The following BRWD3 variants were observed in gnomAD, a reference collection of about 807,000 sequenced individuals.
The protein encoded by BRWD3 is bromodomain and WD repeat domain containing 3.
In BRWD3, 10 loss-of-function variants were observed where a neutral mutation model predicts 149.7. The observed-to-expected ratio is 0.07, with a 90% CI of 0.04 to 0.11. The LOEUF is 0.11. BRWD3 is among the 10% of genes least tolerant of loss of function. The probability of loss-of-function intolerance (pLI) is 1.00; values close to 1 mark genes in which losing one functional copy is unlikely to be tolerated. For missense variants in BRWD3, 940 were observed against 1,373.2 expected (o/e 0.68, Z 4.99); for synonymous variants, 504 against 456.7 (o/e 1.10, Z -1.32).
At chrX:80,698,836 C>T (rs2072740406) in intron 25 of BRWD3, among the ~76,000 whole-genome samples, 1 of 111,224 alleles carries the variant, frequency 9.0e-6, no homozygotes, top group Admixed American at 9.6e-5. Flanking sequence ...TTATGTAAAG[C>T]TCACTTGATA....
At chrX:80,799,784 ACTT>A (rs1338182981) in intron 4 of BRWD3, among the ~76,000 whole-genome samples, 2 of 110,585 alleles carry the variant, frequency 1.8e-5, no homozygotes, top group Non-Finnish European at 3.8e-5. Context: ...CCCAGTTACT[ACTT>A]ATATGACCTT....
rs1303387320 is a variant in BRWD3 at position 80,670,398 on chromosome X, G to A, written c.*6211C>T. On this transcript the variant is annotated 3_prime_UTR_variant, in exon 41 of 41. Coordinates refer to ENST00000373275, the MANE Select transcript of BRWD3 (RefSeq NM_153252.5). ...TTTAAATTGTCAAGAACATATAATT[G>A]AGAGAGGATGGAGAGCACCTTTTTC... is the stretch of plus-strand genomic sequence containing the variant. Among the ~76,000 whole-genome samples the A allele has an allele frequency of 1.8e-5, 2 of 110,291 alleles. No homozygotes were observed. Among genetic ancestry groups the A allele is most frequent in the Admixed American group, 9.7e-5 (1 of 10,298 alleles).
chrX:80,712,744 A>C (rs2098299026), intron 20 of BRWD3, among the ~76,000 whole-genome samples: 1 of 105,832 alleles, frequency 9.4e-6, no homozygotes, highest in African/African-American at 3.5e-5. Flanking sequence ...AGATGTGGGG[A>C]GCGCCTCTGC....
At chrX:80,769,954 A>G in intron 6 of BRWD3, among the ~76,000 whole-genome samples, 1 of 111,956 alleles carries the variant, frequency 8.9e-6, no homozygotes, top group Middle Eastern at 4.6e-3. Flanking sequence ...AACTACTATC[A>G]GAGAATACAG....
intron 27 of BRWD3, among the ~76,000 whole-genome samples, chrX:80,694,342 C>A (rs987795811): frequency 5.4e-5 from 6 of 112,129 alleles, no homozygotes; most frequent in African/African-American, 1.9e-4. Flanking sequence ...CATGGAGAAT[C>A]TCTGCTAGGG....
chrX:80,801,092 T>A (rs2074289670), intron 4 of BRWD3, among the ~76,000 whole-genome samples: 1 of 107,452 alleles, frequency 9.3e-6, no homozygotes, highest in African/African-American at 3.4e-5. Flanking sequence ...GCAGATAAAA[T>A]AAACCAAATA....
chrX:80,728,342 A>C, intron 14 of BRWD3, among the ~76,000 whole-genome samples: 1 of 111,423 alleles, frequency 9.0e-6, no homozygotes, highest in Admixed American at 9.5e-5. Flanking sequence ...AAGAGGAAAA[A>C]AGACCTTTCT....
chrX:80,787,058 A>C (rs2074116106), intron 6 of BRWD3, among the ~76,000 whole-genome samples: 1 of 111,536 alleles, frequency 9.0e-6, no homozygotes. Context: ...AGAAAAAAAA[A>C]ACATTTCTAT....
At chrX:80,721,396 C>T (rs1193307676) in intron 17 of BRWD3, among the ~76,000 whole-genome samples, 1 of 111,806 alleles carries the variant, frequency 8.9e-6, no homozygotes, top group East Asian at 2.8e-4. Context: ...ACAGTAACTA[C>T]AAGCACATGT....
chrX:80,691,869 T>G lies in BRWD3; in HGVS notation c.3435A>C (p.Glu1145Asp). Residue 1145 changes from glutamate (E) to aspartate (D), a missense_variant, in exon 30 of 41, where the codon GAA becomes GAC. Glu to Asp is a conservative substitution (Grantham distance 45). This residue lies in a region of BRWD3 where 158 missense variants were observed against 284.0 expected (regional missense o/e 0.56). Coordinates refer to ENST00000373275, the MANE Select transcript of BRWD3 (RefSeq NM_153252.5). ...EGEWGAHSRDEECERVIQGIN... is the reference protein window; with the variant it reads ...EGEWGAHSRDDECERVIQGIN... ...TGCCCTGAATAACCCGTTCACATTC[T>G]TCGTCTCTGGAATGAGCCCCCCACT... The G allele has an allele frequency of 1.7e-6, 2 of 1,211,019 alleles. No individual in the cohort carries two copies. The highest frequency in any genetic ancestry group is 1.1e-6 in the Non-Finnish European group (1 of 895,361).
At chrX:80,712,036 C>G (rs1053374741) in intron 20 of BRWD3, among the ~76,000 whole-genome samples, 1 of 111,994 alleles carries the variant, frequency 8.9e-6, no homozygotes, top group Non-Finnish European at 1.9e-5. Context: ...CAACAGCATT[C>G]TTAAGATTCT....
At chrX:80,771,100 A>G (rs1192411420) in intron 6 of BRWD3, among the ~76,000 whole-genome samples, 1 of 111,865 alleles carries the variant, frequency 8.9e-6, no homozygotes, top group Non-Finnish European at 1.9e-5. Context: ...GAAATAAAGT[A>G]GGACACAAAC....
At chrX:80,699,753 C>A (rs1458263794) in intron 25 of BRWD3, among the ~76,000 whole-genome samples, 1 of 111,369 alleles carries the variant, frequency 9.0e-6, no homozygotes, top group African/African-American at 3.3e-5. Flanking sequence ...ATAGACTAGA[C>A]AATAGAAAAT....
intron 22 of BRWD3, among the ~76,000 whole-genome samples, chrX:80,705,709 C>A (rs1280379222): frequency 1.8e-5 from 2 of 111,827 alleles, no homozygotes; most frequent in South Asian, 3.7e-4. Context: ...ATACTGTCAA[C>A]AATTTTAACA....
chrX:80,705,143 G>A, intron 22 of BRWD3, among the ~76,000 whole-genome samples: 1 of 110,430 alleles, frequency 9.1e-6, no homozygotes, highest in Non-Finnish European at 1.9e-5. Flanking sequence ...GCACACGCCT[G>A]TAGTCCCAGC....
intron 33 of BRWD3, among the ~76,000 whole-genome samples, chrX:80,689,075 C>T (rs1452553275): frequency 9.0e-6 from 1 of 111,376 alleles, no homozygotes; most frequent in Admixed American, 9.6e-5. Flanking sequence ...TCTCATGCCA[C>T]TGCAACACAA....
At chrX:80,736,265 A>T (rs1243331130) in intron 8 of BRWD3, among the ~76,000 whole-genome samples, 177 bp from the exon 9 acceptor site, 1 of 111,961 alleles carries the variant, frequency 8.9e-6, no homozygotes, top group Non-Finnish European at 1.9e-5. Flanking sequence ...CTTATAAAAA[A>T]TTTAAAATAT....
intron 20 of BRWD3, among the ~76,000 whole-genome samples, chrX:80,713,165 C>T (rs759115822): frequency 3.0e-4 from 33 of 110,348 alleles, no homozygotes; most frequent in African/African-American, 9.6e-4. Flanking sequence ...CCCCTCTGCC[C>T]GGCCACCACC....
At chrX:80,792,204 C>T (rs992122105) in intron 5 of BRWD3, among the ~76,000 whole-genome samples, 2 of 111,988 alleles carry the variant, frequency 1.8e-5, no homozygotes, top group Non-Finnish European at 3.8e-5. Context: ...TTTTTATGCA[C>T]ATATTTGAAT....
Sources: allele counts gnomAD v4.1 joint callset (sites outside exome capture counted in the v4.1 genomes callset), GRCh38; gene constraint gnomAD v4.1.1; regional missense constraint gnomAD v4.1.1; transcripts MANE v1.5; gene names NCBI Gene and HGNC (gene_info 2026-07-23, HGNC 2026-07-21).